The following PHRF1 variants were observed in gnomAD, a reference collection of about 807,000 sequenced individuals.
PHRF1 encodes PHD and ring finger domains 1, also known as PHD and RING finger domain-containing protein 1.
Under a neutral mutation model 128.9 loss-of-function variants are expected in PHRF1, and 53 were observed. That is an observed-to-expected ratio of 0.41 (90% confidence interval 0.33 to 0.52). PHRF1 has a LOEUF of 0.52. Among genes scored for constraint, PHRF1 ranks in the 20% least tolerant of loss-of-function variants. The pLI is 0.21. For synonymous variants in PHRF1, 1,178 were observed against 980.6 expected, an observed-to-expected ratio of 1.20 and a Z score of -3.76; for missense variants, 2,503 against 2,284.5, an observed-to-expected ratio of 1.10 and a Z score of -1.95.
intron 14 of PHRF1, among the ~76,000 whole-genome samples, 153 bp from the exon 15 acceptor site, chr11:610,043 A>G (rs948026750): frequency 6.6e-6 from 1 of 152,120 alleles, no homozygotes; most frequent in Non-Finnish European, 1.5e-5. Context: ...GAGCTGGCAC[A>G]CCTCGCAACC....
Position 589,831 on chromosome 11 carries a change from TGAGA to T in PHRF1, c.421-1547_421-1544del, listed in dbSNP as rs745354923. On this transcript the variant is annotated intron_variant, in intron 4 of 17. Coordinates refer to ENST00000264555, the MANE Select transcript of PHRF1 (RefSeq NM_001286581.2). Reference sequence around the variant, plus strand: ...GGCACAGAGCGTGCGGGGCTCAGCCTGAGAGAGAGTCTGCAAACGGGCACGGAGC... The same window carrying T: ...GGCACAGAGCGTGCGGGGCTCAGCCTGAGAGTCTGCAAACGGGCACGGAGC... Among the ~76,000 whole-genome samples the T allele has an allele frequency of 5.7e-3, 796 of 139,186 alleles. 7 individuals are homozygous for T. Among genetic ancestry groups the T allele is most frequent in the African/African-American group, 0.024 (753 of 31,758 alleles). 91.3% of individuals were successfully genotyped at this position (139,186 alleles called of 152,430 possible).
Position 608,200 on chromosome 11 carries a change from C to T in PHRF1, c.2744C>T (p.Ser915Phe), listed in dbSNP as rs934373467. The T allele has an allele frequency of 9.3e-6, 15 of 1,609,634 alleles. No homozygotes were observed. The highest frequency in any genetic ancestry group is 1.2e-5 in the Non-Finnish European group (14 of 1,179,832). ...LRGAVAAEGA[S>F]DTEREEPTES... is the part of the protein sequence containing the mutation. ...GGTGCAGTGGCTGCCGAGGGGGCCT[C>T]TGACACGGAGCGAGAGGAGCCCACA... is the stretch of plus-strand genomic sequence containing the variant. The change falls in exon 14 of 18, where the codon TCT becomes TTT. Residue 915 changes from serine to phenylalanine, a missense_variant. Physicochemically the swap from Ser to Phe is radical, Grantham distance 155. Coordinates refer to ENST00000264555, the MANE Select transcript of PHRF1 (RefSeq NM_001286581.2).
chr11:592,797 C>T, intron 6 of PHRF1, 123 bp downstream of exon 6: 8 of 1,053,164 alleles, frequency 7.6e-6, no homozygotes, highest in South Asian at 1.3e-5. Context: ...CTGTGCTCAC[C>T]ACCCTCAGCA....
rs200365637 is a variant in PHRF1, at chr11:596,879, C to T, written c.621-44C>T. Reference sequence around the variant, plus strand: ...CCTCACTTGAGGAGGTTTGGGAAAGCTGTGAGCAGCACCCGGATGCTTTGG... The same window carrying T: ...CCTCACTTGAGGAGGTTTGGGAAAGTTGTGAGCAGCACCCGGATGCTTTGG... On this transcript the variant is annotated intron_variant, in intron 6 of 17. Transcript: ENST00000264555. The T allele has an allele frequency of 1.3e-4, 207 of 1,569,976 alleles. 2 individuals are homozygous for T. The East Asian group carries it at 4.5e-3, about 34-fold the overall frequency.
rs1212904400 is a variant in PHRF1 at position 585,680 on chromosome 11, CTTT to C, written c.215-1563_215-1561del. 8.5e-5 allele frequency among the ~76,000 whole-genome samples: 6 copies of C among 70,372 alleles called. 1 individual carries two copies. Among genetic ancestry groups the C allele is most frequent in the Admixed American group, 1.5e-4 (1 of 6,834 alleles). The allele number at this position is 70,372 out of a possible 152,430, so 46.2% of individuals were successfully genotyped here. A position where few individuals can be genotyped will look rare whatever the true frequency, so the allele number is the denominator to read the frequency against. ...AGCTTGAGGTAGTAGCTCTTCAACT[CTTT>C]TTTTTTTTTTTTTTTGAGGTCGAGT... On this transcript the variant is annotated intron_variant, in intron 3 of 17. Transcript: ENST00000264555.
At chr11:592,476 T>G in intron 5 of PHRF1, 83 bp from the exon 6 acceptor site, 1 of 1,376,642 alleles carries the variant, frequency 7.3e-7, no homozygotes, top group Non-Finnish European at 1.0e-6. Context: ...ATGGGTGGAT[T>G]CTGGATTAAC....
intron 3 of PHRF1, 88 bp from the exon 4 acceptor site, chr11:587,171 C>T: frequency 7.6e-7 from 1 of 1,316,364 alleles, no homozygotes; most frequent in South Asian, 1.3e-5. Flanking sequence ...GACCTGGTGT[C>T]CTGAGCGCAG....
rs976988092 is a variant in PHRF1, at chr11:611,924, C to T, written c.*147C>T. Reference sequence around the variant, plus strand: ...GCGGGAAATGGGGGGCATCACCATGCCTGCCGTCGGGTTCCTGCGCTGACA... The same window carrying T: ...GCGGGAAATGGGGGGCATCACCATGTCTGCCGTCGGGTTCCTGCGCTGACA... On this transcript the variant is annotated 3_prime_UTR_variant, in exon 18 of 18. Transcript: ENST00000264555. 10 of 1,328,730 alleles carry T rather than the reference C, an allele frequency of 7.5e-6. No individual in the cohort carries two copies. In the African/African-American group the frequency reaches 1.3e-4, roughly 18 times the overall value. The allele number at this position is 1,328,730 out of a possible 1,614,324, so 82.3% of individuals were successfully genotyped here. A position where few individuals can be genotyped will look rare whatever the true frequency, so the allele number is the denominator to read the frequency against.
chr11:607,880 G>A lies in PHRF1; in HGVS notation c.2424G>A (p.Gln808=), dbSNP rs2012893234. 1 of 1,612,772 alleles carries A rather than the reference G, an allele frequency of 6.2e-7. No homozygotes were observed. Residue 808 remains glutamine, a synonymous_variant, in exon 14 of 18, where the codon CAG becomes CAA. Transcript: ENST00000264555. ...NTFRPVDDKE[Q]RKENPSPLFS... is the part of the protein sequence containing the mutation. ...TCCGGCCTGTGGACGATAAGGAGCAGAGGAAGGAGAACCCCTCACCCCTCT... is the reference window on the plus strand; with the variant it reads ...TCCGGCCTGTGGACGATAAGGAGCAAAGGAAGGAGAACCCCTCACCCCTCT...
chr11:610,983 T>G lies in PHRF1; in HGVS notation c.4707T>G (p.Arg1569=). 2 of 1,613,362 alleles carry G rather than the reference T, an allele frequency of 1.2e-6. No homozygotes were observed. Among genetic ancestry groups the G allele is most frequent in the African/African-American group, 2.7e-5 (2 of 75,012 alleles). Residue 1569 remains arginine, a synonymous_variant, in exon 17 of 18, where the codon CGT becomes CGG. Coordinates refer to ENST00000264555, the MANE Select transcript of PHRF1 (RefSeq NM_001286581.2). The stretch of plus-strand genomic sequence containing the variant: ...TGAAGAAGCTGCACATGCAGGAGCG[T>G]GCTGTGGAGGAGGTGAAGCTGGCCA... ...EYMKKLHMQE[R]AVEEVKLAIK...
At chr11:600,704 C>A (rs1452285121) in intron 9 of PHRF1, among the ~76,000 whole-genome samples, 1 of 151,784 alleles carries the variant, frequency 6.6e-6, no homozygotes, top group African/African-American at 2.4e-5. Context: ...TGGTGGCTTA[C>A]ACCTGTAATC....
chr11:599,626 TC>T (rs1412712010), intron 9 of PHRF1, among the ~76,000 whole-genome samples: 7 of 152,134 alleles, frequency 4.6e-5, no homozygotes, highest in Non-Finnish European at 1.0e-4. Context: ...AGACGTAACT[TC>T]CATTCCAGCC....
intron 3 of PHRF1, among the ~76,000 whole-genome samples, chr11:583,688 T>C (rs974758926): frequency 5.3e-5 from 8 of 152,126 alleles, no homozygotes; most frequent in Non-Finnish European, 8.8e-5. Flanking sequence ...GCCCAGGAAG[T>C]TGAGGCTGCA....
At chr11:592,778 C>A in intron 6 of PHRF1, 104 bp downstream of exon 6, 2 of 1,283,794 alleles carry the variant, frequency 1.6e-6, no homozygotes, top group Non-Finnish European at 2.2e-6. Flanking sequence ...TGAGTCCCAG[C>A]ACCTGGAGCT....
At chr11:596,505 G>A (rs928664395) in intron 6 of PHRF1, among the ~76,000 whole-genome samples, 1 of 152,218 alleles carries the variant, frequency 6.6e-6, no homozygotes, top group Non-Finnish European at 1.5e-5. Context: ...GCCTGTGGGT[G>A]TGTGTCGTGT....
At position 597,532 on chromosome 11, in the gene PHRF1, G is replaced by A. The variant is rs1351491471; in HGVS notation, c.856G>A (p.Val286Met). 2.5e-6 allele frequency: 4 copies of A among 1,612,312 alleles called. No individual in the cohort carries two copies. Among genetic ancestry groups the A allele is most frequent in the South Asian group, 1.1e-5 (1 of 90,744 alleles). Residue 286 changes from valine to methionine, a missense_variant, in exon 8 of 18, where the codon GTG (valine) becomes ATG (methionine). Val to Met is a conservative substitution (Grantham distance 21). Transcript: ENST00000264555. This position sits in a 1 kb window ranked among gnomAD's most constrained non-coding sequence, Gnocchi z 6.5. ...GCAGAGTGAGAGAGTGAGAGCAACCGTGAACCGGAACCGGATCTCCACGGC... is the reference window on the plus strand; with the variant it reads ...GCAGAGTGAGAGAGTGAGAGCAACCATGAACCGGAACCGGATCTCCACGGC... ...TRQSERVRAT[V>M]NRNRISTARR...
Position 608,596 on chromosome 11 carries a change from C to G in PHRF1, c.3140C>G (p.Ser1047Cys). The change falls in exon 14 of 18, where the codon TCC becomes TGC. Residue 1047 changes from serine to cysteine, a missense_variant. By Grantham distance (112) the Ser-to-Cys change is moderately radical. Transcript: ENST00000264555. ...GAGGAGCGCCCCAGGAGGCAGCGGT[C>G]CAAGGCCAAGAGCCGGCGGTCCTCC... ...VGEERPRRQR[S>C]KAKSRRSSSD... 1 of 1,612,216 alleles carries G rather than the reference C, an allele frequency of 6.2e-7. No homozygotes were observed. The highest frequency in any genetic ancestry group is 1.1e-5 in the South Asian group (1 of 91,048).
chr11:583,750 G>A (rs1854358279), intron 3 of PHRF1, among the ~76,000 whole-genome samples: 1 of 152,180 alleles, frequency 6.6e-6, no homozygotes, highest in South Asian at 2.1e-4. Flanking sequence ...ACAAAGGGGA[G>A]ACAAGTCCGT....
At chr11:605,518 C>T in intron 11 of PHRF1, 87 bp from the exon 12 acceptor site, 1 of 1,558,918 alleles carries the variant, frequency 6.4e-7, no homozygotes, top group Admixed American at 1.9e-5. Flanking sequence ...CAGTGCTCGG[C>T]CATCCTCCTC....
Sources: gnomAD v4.1 joint callset for allele counts (sites outside exome capture counted in the v4.1 genomes callset) on GRCh38, gnomAD v4.1.1 for gene constraint, Gnocchi (gnomAD v3.1) non-coding constraint, MANE v1.5 for transcripts, NCBI Gene and HGNC (gene_info 2026-07-23, HGNC 2026-07-21) for gene names.